Variants in ACBD6 observed in about 807,000 individuals in gnomAD.
ACBD6 encodes the protein acyl-CoA binding domain containing 6.
ACBD6 carries 28 observed loss-of-function variants against 37.2 expected under a neutral mutation model. The ratio of observed to expected loss-of-function variants is 0.75; its 90% CI spans 0.56 to 1.03. The LOEUF is 1.03. Ranked by LOEUF, ACBD6 falls within the 50% of genes least tolerant of loss-of-function variation. The probability of loss-of-function intolerance (pLI) is 0.00; values close to 1 mark genes in which losing one functional copy is unlikely to be tolerated. For synonymous variants in ACBD6, 113 were observed against 126.8 expected, an observed-to-expected ratio of 0.89 and a Z score of 0.73; for missense variants, 340 against 337.4, an observed-to-expected ratio of 1.01 and a Z score of -0.06.
intron 6 of ACBD6, among the ~76,000 whole-genome samples, chr1:180,395,670 C>T (rs970413176): frequency 6.6e-5 from 10 of 151,914 alleles, no homozygotes; most frequent in Non-Finnish European, 1.0e-4. Context: ...GACAAGGATG[C>T]GGAGAAATTT....
In ACBD6 at chr1:180,308,079, A is replaced by C. The variant is rs1043126330; in HGVS notation, c.694+6613T>G. 7.2e-5 allele frequency among the ~76,000 whole-genome samples: 11 copies of C among 152,236 alleles called. No homozygotes were observed. In the South Asian group the frequency reaches 2.3e-3, roughly 32 times the overall value. ...GCAATTTCTTTAGACAAATATTTTCACCAAATTTTTTTTAACTTGTGTCAA... is the reference window on the plus strand; with the variant it reads ...GCAATTTCTTTAGACAAATATTTTCCCCAAATTTTTTTTAACTTGTGTCAA... On this transcript the variant is annotated intron_variant, in intron 7 of 7. Coordinates refer to ENST00000367595, the MANE Select transcript of ACBD6 (RefSeq NM_032360.4).
chr1:180,324,125 C>T (rs1208256533), intron 6 of ACBD6, among the ~76,000 whole-genome samples: 60 of 520 alleles, frequency 0.12, 29 homozygotes, highest in South Asian at 0.33. Context: ...ATGATCCACC[C>T]GCCTCGGCCT....
At chr1:180,371,660 G>A (rs1653271119) in intron 6 of ACBD6, among the ~76,000 whole-genome samples, 1 of 152,078 alleles carries the variant, frequency 6.6e-6, no homozygotes, top group South Asian at 2.1e-4. Flanking sequence ...GGATAAAAAT[G>A]TTTGGTCATA....
rs534607233 is a variant in ACBD6, at chr1:180,328,218, C to CATACATATATACACACATATATGTATAT, written c.664-13524_664-13497dup. On this transcript the variant is annotated intron_variant, in intron 6 of 7. Coordinates refer to ENST00000367595, the MANE Select transcript of ACBD6 (RefSeq NM_032360.4). ...AGAGCCATATTCCTAGATTAAGATA[C>CATACATATATACACACATATATGTATAT]ATACATATATACACACATATATGTA... 3.9e-3 allele frequency among the ~76,000 whole-genome samples: 592 copies of CATACATATATACACACATATATGTATAT among 151,822 alleles called. 8 individuals are homozygous for CATACATATATACACACATATATGTATAT. Among genetic ancestry groups the CATACATATATACACACATATATGTATAT allele is most frequent in the Non-Finnish European group, 5.9e-3 (399 of 67,914 alleles).
At chr1:180,495,561 C>G in intron 1 of ACBD6, 36 bp from the exon 2 acceptor site, 1 of 1,496,318 alleles carries the variant, frequency 6.7e-7, no homozygotes, top group Non-Finnish European at 9.3e-7. Context: ...ACTTATTTTT[C>G]AAAGAAATGT....
chr1:180,411,006 T>C (rs137889571), intron 5 of ACBD6, among the ~76,000 whole-genome samples: 2 of 152,302 alleles, frequency 1.3e-5, no homozygotes, highest in Admixed American at 6.5e-5. Flanking sequence ...CTGGAAGAAG[T>C]TGATTCCAAC....
intron 6 of ACBD6, among the ~76,000 whole-genome samples, chr1:180,335,148 G>T (rs968971256): frequency 2.0e-5 from 3 of 152,086 alleles, no homozygotes; most frequent in Admixed American, 2.0e-4. Context: ...TCAAATTCAG[G>T]AAATACAGAG....
intron 3 of ACBD6, among the ~76,000 whole-genome samples, chr1:180,489,473 T>C (rs1651402965): frequency 6.6e-6 from 1 of 151,318 alleles, no homozygotes; most frequent in African/African-American, 2.4e-5. Flanking sequence ...ATGTTATATA[T>C]TCTTTTAATG....
At chr1:180,404,427 T>C (rs1037870878) in intron 5 of ACBD6, among the ~76,000 whole-genome samples, 11 of 152,084 alleles carry the variant, frequency 7.2e-5, no homozygotes, top group African/African-American at 2.4e-4. Flanking sequence ...CATGAGCCAC[T>C]ACACTTGGCT....
At chr1:180,469,180 T>C (rs1343808134) in intron 3 of ACBD6, among the ~76,000 whole-genome samples, 1 of 152,210 alleles carries the variant, frequency 6.6e-6, no homozygotes, top group East Asian at 1.9e-4. Context: ...CTGTCAAGAA[T>C]TACCCTGATT....
At chr1:180,494,904 A>T (rs1435765168) in intron 2 of ACBD6, among the ~76,000 whole-genome samples, 1 of 152,186 alleles carries the variant, frequency 6.6e-6, no homozygotes, top group Non-Finnish European at 1.5e-5. Context: ...TTTTTTATAT[A>T]TTCAGAGAAA....
intron 3 of ACBD6, among the ~76,000 whole-genome samples, chr1:180,452,722 T>C: frequency 6.6e-6 from 1 of 151,722 alleles, no homozygotes; most frequent in South Asian, 2.1e-4. Context: ...CAAAAAATGA[T>C]AAAGGGGATA....
exon 14 of ACBD6, chr1:180,270,222 C>A (rs1014599562): frequency 5.3e-5 from 8 of 152,232 alleles, no homozygotes. Context: ...TTAGTCAACA[C>A]CAGCACATGG....
intron 6 of ACBD6, among the ~76,000 whole-genome samples, chr1:180,328,844 C>CTATA (rs1002924250): frequency 1.3e-5 from 2 of 150,940 alleles, no homozygotes; most frequent in African/African-American, 4.9e-5. Context: ...GATTATTTTT[C>CTATA]TATATATATA....
At chr1:180,288,746 C>G (rs1157731977) in intron 7 of ACBD6, among the ~76,000 whole-genome samples, 2 of 152,044 alleles carry the variant, frequency 1.3e-5, no homozygotes, top group African/African-American at 4.8e-5. Flanking sequence ...AACACACACG[C>G]AAACAAATAT....
intron 1 of ACBD6, among the ~76,000 whole-genome samples, chr1:180,499,088 G>C (rs1344843236): frequency 2.0e-5 from 3 of 152,166 alleles, no homozygotes; most frequent in Non-Finnish European, 4.4e-5. Flanking sequence ...ATGATGCTAA[G>C]TTTAGAGTTC....
At chr1:180,495,648 A>T (rs1446220398) in intron 1 of ACBD6, 123 bp from the exon 2 acceptor site, 1 of 694,480 alleles carries the variant, frequency 1.4e-6, no homozygotes, top group African/African-American at 1.8e-5. Context: ...ATCTATATGG[A>T]ATAGCAAAAT....
intron 5 of ACBD6, among the ~76,000 whole-genome samples, chr1:180,408,448 T>C (rs1355607085): frequency 6.6e-6 from 1 of 151,956 alleles, no homozygotes; most frequent in Non-Finnish European, 1.5e-5. Flanking sequence ...ATGTTCTCAC[T>C]CATAGGTGGG....
intron 4 of ACBD6, among the ~76,000 whole-genome samples, chr1:180,424,817 T>G (rs573838477): frequency 1.3e-5 from 2 of 152,252 alleles, no homozygotes; most frequent in Non-Finnish European, 2.9e-5. Flanking sequence ...AGTTGATGAA[T>G]GACCCTTGGT....
Sources: gnomAD v4.1 joint callset for allele counts (sites outside exome capture counted in the v4.1 genomes callset) on GRCh38, gnomAD v4.1.1 for gene constraint, MANE v1.5 for transcripts, NCBI Gene and HGNC (gene_info 2026-07-23, HGNC 2026-07-21) for gene names.